The following IL12RB1 variants were observed in gnomAD, a reference collection of about 807,000 sequenced individuals.
The protein encoded by IL12RB1 is interleukin-12 receptor subunit beta-1.
In IL12RB1, 64 loss-of-function variants were observed where a neutral mutation model predicts 94.4. The observed-to-expected ratio is 0.68, with a 90% CI of 0.55 to 0.83. IL12RB1 has a LOEUF of 0.83. Ranked by LOEUF, IL12RB1 falls within the 40% of genes least tolerant of loss-of-function variation. The pLI is 0.00. For synonymous variants in IL12RB1, 362 were observed against 355.5 expected (o/e 1.02, Z -0.21); for missense variants, 814 against 855.6 (o/e 0.95, Z 0.61).
intron 12 of IL12RB1, among the ~76,000 whole-genome samples, chr19:18,064,646 G>C (rs796495446): frequency 2.6e-5 from 4 of 151,860 alleles, no homozygotes; most frequent in African/African-American, 9.7e-5. Context: ...CTAATTTTTT[G>C]TATTTTTAAT....
chr19:18,097,489 C>T (rs1404734610), intron 1 of IL12RB1, among the ~76,000 whole-genome samples: 1 of 152,190 alleles, frequency 6.6e-6, no homozygotes. Flanking sequence ...TGAGCCACTG[C>T]GCCCGGCCAA....
At chr19:18,097,798 C>A (rs1599621004) in intron 1 of IL12RB1, 2 of 1,222,612 alleles carry the variant, frequency 1.6e-6, no homozygotes, top group East Asian at 3.2e-5. Flanking sequence ...GGGCCATGGA[C>A]GAGTCGAGCC....
intron 12 of IL12RB1, among the ~76,000 whole-genome samples, chr19:18,066,110 C>T (rs1216437311): frequency 2.0e-5 from 3 of 147,974 alleles, no homozygotes; most frequent in Admixed American, 1.4e-4. Context: ...TGTTTGTTTT[C>T]GTTTTTGTTT....
At chr19:18,097,885 G>T (rs1033779778) in intron 1 of IL12RB1, 4 of 1,212,804 alleles carry the variant, frequency 3.3e-6, no homozygotes, top group Non-Finnish European at 4.1e-6. Context: ...AAGTGGACGC[G>T]GCCTGAAAGG....
chr19:18,073,655 T>C lies in IL12RB1; in HGVS notation c.701-56A>G, dbSNP rs534674883. 3.9e-6 allele frequency: 4 copies of C among 1,022,998 alleles called. No individual in the cohort carries two copies. In the Admixed American group the frequency reaches 7.1e-5, roughly 18 times the overall value. The allele number at this position is 1,022,998 out of a possible 1,614,324, so 63.4% of individuals were successfully genotyped here. ...TTGGAAGGAGAGAAAGACTGATGGA[T>C]GTTTTCTTTGTAAATGATGGATTCT... is the stretch of plus-strand genomic sequence containing the variant. On this transcript the variant is annotated intron_variant, in intron 7 of 16. Coordinates refer to ENST00000593993, the MANE Select transcript of IL12RB1 (RefSeq NM_005535.3).
chr19:18,081,629 T>C (rs1489729520), intron 3 of IL12RB1, among the ~76,000 whole-genome samples: 1 of 150,926 alleles, frequency 6.6e-6, no homozygotes, highest in Non-Finnish European at 1.5e-5. Flanking sequence ...AAGACCAGCC[T>C]GGCCAACATG....
intron 10 of IL12RB1, among the ~76,000 whole-genome samples, chr19:18,069,205 T>G (rs568429263): frequency 7.2e-5 from 11 of 152,280 alleles, no homozygotes; most frequent in African/African-American, 2.4e-4. Flanking sequence ...CCCCTTTCCC[T>G]AAAGACTGCT....
chr19:18,068,312 C>A, intron 11 of IL12RB1, 77 bp downstream of exon 11: 1 of 1,210,192 alleles, frequency 8.3e-7, no homozygotes, highest in Non-Finnish European at 1.1e-6. Flanking sequence ...ATGCGTGAGT[C>A]ACTGTGCCCA....
intron 1 of IL12RB1, among the ~76,000 whole-genome samples, chr19:18,093,654 A>G (rs919009081): frequency 1.3e-5 from 2 of 152,082 alleles, no homozygotes; most frequent in African/African-American, 4.8e-5. Flanking sequence ...TCACATGTAC[A>G]CCTTGAACCA....
rs970938594 is a variant in IL12RB1, at chr19:18,076,410, C to T, written c.550-83G>A. On this transcript the variant is annotated intron_variant, in intron 5 of 16. Transcript: ENST00000593993. ...TGTTTTACAATTAGTTATTTATTTA[C>T]TTATTTATCTGAGACACGGTCTCAC... 3 of 758,530 alleles carry T rather than the reference C, an allele frequency of 4.0e-6. No individual in the cohort carries two copies. The African/African-American group carries it at 5.1e-5, about 13-fold the overall frequency. The allele number at this position is 758,530 out of a possible 1,614,324, so 47.0% of individuals were successfully genotyped here.
At chr19:18,072,852 C>T (rs1025813520) in intron 8 of IL12RB1, among the ~76,000 whole-genome samples, 2 of 146,660 alleles carry the variant, frequency 1.4e-5, no homozygotes, top group Admixed American at 7.1e-5. Context: ...GAGGCTGAGG[C>T]AGGAGAATGG....
upstream of IL12RB1, among the ~76,000 whole-genome samples, chr19:18,088,817 G>A (rs144549341): frequency 5.0e-4 from 76 of 152,092 alleles, no homozygotes; most frequent in African/African-American, 1.8e-3. Context: ...ATCACCTGAG[G>A]TCAGGAGTTT....
Position 18,069,557 on chromosome 19 carries a change from G to A in IL12RB1, c.1178C>T (p.Pro393Leu), listed in dbSNP as rs748284308. Residue 393 changes from proline (P) to leucine (L), a missense_variant, in exon 10 of 17, where the codon CCG becomes CTG. Transcript: ENST00000593993. ...CSLTAPQDPD[P>L]AGMATYSWSR... ...TTCCAGGCCATTACCCATTCCAGCC[G>A]GATCCGGGTCTTGCGGCGCAGTCAG... is the stretch of plus-strand genomic sequence containing the variant. 1.0e-4 allele frequency: 163 copies of A among 1,609,036 alleles called. No individual in the cohort carries two copies. The highest frequency in any genetic ancestry group is 1.3e-4 in the Non-Finnish European group (155 of 1,179,540).
chr19:18,097,857 A>G (rs1054931298), intron 1 of IL12RB1: 4 of 1,225,806 alleles, frequency 3.3e-6, no homozygotes, highest in Non-Finnish European at 4.1e-6. Flanking sequence ...GGGCGGGCGG[A>G]AGGCAGAGGG....
chr19:18,076,662 T>G (rs893436498), intron 5 of IL12RB1, among the ~76,000 whole-genome samples: 7 of 152,080 alleles, frequency 4.6e-5, no homozygotes, highest in African/African-American at 1.7e-4. Context: ...CAACTCGGCC[T>G]CCCAAAGCAC....
chr19:18,084,650 TATCCATCCAGCCATCCATCC>T (rs1437968395), intron 1 of IL12RB1, among the ~76,000 whole-genome samples: 1 of 128,780 alleles, frequency 7.8e-6, no homozygotes, highest in Non-Finnish European at 1.7e-5. Flanking sequence ...CCTACCGATA[TATCCATCCAGCCATCCATCC>T]ATCCATCCAT....
intron 11 of IL12RB1, among the ~76,000 whole-genome samples, chr19:18,067,784 A>T (rs1219036954): frequency 6.6e-6 from 1 of 152,068 alleles, no homozygotes; most frequent in African/African-American, 2.4e-5. Context: ...GCAGCCTCAA[A>T]CTCCTGGGAT....
chr19:18,087,015 G>C, upstream of IL12RB1: 2 of 1,247,358 alleles, frequency 1.6e-6, no homozygotes, highest in Non-Finnish European at 2.2e-6. Flanking sequence ...AACCCAGGAA[G>C]TCAGCTCCGT....
chr19:18,071,483 T>C, intron 9 of IL12RB1: 1 of 379,808 alleles, frequency 2.6e-6, no homozygotes, highest in Non-Finnish European at 4.8e-6. Flanking sequence ...GTTTTTGTTG[T>C]TGTTCTTTAA....
Sources: gnomAD v4.1 joint callset for allele counts (sites outside exome capture counted in the v4.1 genomes callset) on GRCh38, gnomAD v4.1.1 for gene constraint, MANE v1.5 for transcripts, NCBI Gene and HGNC (gene_info 2026-07-23, HGNC 2026-07-21) for gene names.